NPAS3: variants seen among roughly 807,000 people sequenced by gnomAD.
NPAS3 encodes neuronal PAS domain protein 3, also known as neuronal PAS domain-containing protein 3.
In NPAS3, 14 loss-of-function variants were observed where a neutral mutation model predicts 73.1. That is an observed-to-expected ratio of 0.19 (90% confidence interval 0.13 to 0.30). The LOEUF is 0.30. Among genes scored for constraint, NPAS3 ranks in the 10% least tolerant of loss-of-function variants. The pLI is 1.00. For synonymous variants in NPAS3, 620 were observed against 541.5 expected, an observed-to-expected ratio of 1.14 and a Z score of -2.01; for missense variants, 1,096 against 1,250.0, an observed-to-expected ratio of 0.88 and a Z score of 1.86.
intron 4 of NPAS3, among the ~76,000 whole-genome samples, chr14:33,411,435 G>C (rs142924083): frequency 5.3e-5 from 8 of 152,116 alleles, no homozygotes; most frequent in Admixed American, 5.2e-4. Context: ...CACCTGCCTC[G>C]GTTTCCCAAG....
At chr14:33,452,697 T>C (rs7160520) in intron 4 of NPAS3, among the ~76,000 whole-genome samples, 112,746 of 149,274 alleles carry the variant, frequency 0.76, 42,697 homozygotes, top group Middle Eastern at 0.89. Flanking sequence ...ATGGCGTGAA[T>C]TCGGGAGGTG....
chr14:33,014,293 A>C (rs779048910), intron 1 of NPAS3, among the ~76,000 whole-genome samples: 2 of 152,202 alleles, frequency 1.3e-5, no homozygotes, highest in Non-Finnish European at 2.9e-5. Flanking sequence ...ATATTTGTTC[A>C]AAGATTCTAT....
At chr14:33,322,100 A>G (rs1007124293) in intron 3 of NPAS3, among the ~76,000 whole-genome samples, 8 of 152,192 alleles carry the variant, frequency 5.3e-5, no homozygotes, top group Non-Finnish European at 1.2e-4. Context: ...TTGTGCCTCC[A>G]TAGCAGCTCC....
At chr14:33,615,953 C>T (rs988712975) in intron 5 of NPAS3, among the ~76,000 whole-genome samples, 1 of 152,174 alleles carries the variant, frequency 6.6e-6, no homozygotes, top group African/African-American at 2.4e-5. Flanking sequence ...ACATTGCTCT[C>T]AGGAGCACCA....
At chr14:33,647,806 T>C (rs1234612495) in intron 5 of NPAS3, among the ~76,000 whole-genome samples, 1 of 152,076 alleles carries the variant, frequency 6.6e-6, no homozygotes, top group Admixed American at 6.6e-5. Context: ...TCAGCTGCTT[T>C]TTCCTTCCAT....
intron 5 of NPAS3, among the ~76,000 whole-genome samples, chr14:33,669,194 G>A (rs1031320702): frequency 6.6e-6 from 1 of 152,120 alleles, no homozygotes; most frequent in Non-Finnish European, 1.5e-5. Context: ...TTACTTTTAA[G>A]ACTGTTAATG....
At chr14:33,005,260 C>T (rs769514692) in intron 1 of NPAS3, among the ~76,000 whole-genome samples, 85 of 152,040 alleles carry the variant, frequency 5.6e-4, no homozygotes, top group Non-Finnish European at 1.1e-3. Context: ...TAACATGTTG[C>T]GATGATAGCT....
intron 6 of NPAS3, among the ~76,000 whole-genome samples, chr14:33,717,052 C>T (rs569455297): frequency 4.6e-5 from 7 of 152,178 alleles, no homozygotes; most frequent in South Asian, 2.1e-4. Context: ...CCTAAAATGA[C>T]AGCACTCAAA....
intron 4 of NPAS3, among the ~76,000 whole-genome samples, chr14:33,444,172 TGC>T (rs896403512): frequency 2.0e-5 from 3 of 152,230 alleles, no homozygotes; most frequent in Non-Finnish European, 2.9e-5. Context: ...AGAATCTGTA[TGC>T]CTAAAACTCA....
At chr14:33,547,662 A>G (rs1043104663) in intron 4 of NPAS3, among the ~76,000 whole-genome samples, 4 of 152,252 alleles carry the variant, frequency 2.6e-5, no homozygotes, top group African/African-American at 9.6e-5. Flanking sequence ...ACAGAAGAAA[A>G]GTATGAAAAG....
intron 3 of NPAS3, among the ~76,000 whole-genome samples, chr14:33,255,405 T>C (rs1463955869): frequency 6.6e-6 from 1 of 152,162 alleles, no homozygotes; most frequent in Non-Finnish European, 1.5e-5. Flanking sequence ...GAATGCTCAA[T>C]AGCTGTATTT....
intron 7 of NPAS3, among the ~76,000 whole-genome samples, chr14:33,758,609 C>CTAGAAAT (rs1274421427): frequency 2.0e-5 from 3 of 152,228 alleles, no homozygotes; most frequent in African/African-American, 7.2e-5. Context: ...TACCTCTTTC[C>CTAGAAAT]TAGAAATTCT....
chr14:33,309,601 C>G (rs980596632), intron 3 of NPAS3, among the ~76,000 whole-genome samples: 3 of 152,094 alleles, frequency 2.0e-5, no homozygotes, highest in African/African-American at 7.2e-5. Context: ...TGAAATTAAC[C>G]TTTTCTCCAA....
At chr14:33,328,365 A>G (rs185132089) in intron 3 of NPAS3, among the ~76,000 whole-genome samples, 60 of 140,308 alleles carry the variant, frequency 4.3e-4, no homozygotes, top group African/African-American at 1.5e-3. Flanking sequence ...TGTTCACTTT[A>G]TTAAAATAAT....
At chr14:33,252,044 CGTGTGTGTGTGTCTGTGTGT>C (rs2048602762) in intron 3 of NPAS3, among the ~76,000 whole-genome samples, 1 of 106,942 alleles carries the variant, frequency 9.4e-6, no homozygotes, top group Non-Finnish European at 1.9e-5. Flanking sequence ...TGGGTGTTTG[CGTGTGTGTGTGTCTGTGTGT>C]GTGTGTGTGT....
intron 3 of NPAS3, among the ~76,000 whole-genome samples, chr14:33,258,144 C>T (rs1459650122): frequency 6.6e-6 from 1 of 152,162 alleles, no homozygotes; most frequent in Non-Finnish European, 1.5e-5. Context: ...CCTTTGTAAT[C>T]CCAGCACTTT....
At chr14:33,721,849 A>G (rs990281649) in intron 6 of NPAS3, among the ~76,000 whole-genome samples, 6 of 152,184 alleles carry the variant, frequency 3.9e-5, no homozygotes, top group African/African-American at 1.4e-4. Flanking sequence ...GGAGAACTTT[A>G]CTAATGACAT....
At chr14:33,080,654 C>T (rs149313189) in intron 2 of NPAS3, among the ~76,000 whole-genome samples, 1 of 152,270 alleles carries the variant, frequency 6.6e-6, no homozygotes, top group Non-Finnish European at 1.5e-5. Context: ...GATGAGAGAG[C>T]TGCATGAACA....
chr14:33,620,355 G>A (rs951111486), intron 5 of NPAS3, among the ~76,000 whole-genome samples: 1 of 151,940 alleles, frequency 6.6e-6, no homozygotes, highest in Non-Finnish European at 1.5e-5. Flanking sequence ...AATCATTCCA[G>A]AACAACAGAA....
Sources: gnomAD v4.1 joint callset for allele counts (sites outside exome capture counted in the v4.1 genomes callset) on GRCh38, gnomAD v4.1.1 for gene constraint, MANE v1.5 for transcripts, NCBI Gene and HGNC (gene_info 2026-07-23, HGNC 2026-07-21) for gene names.